The following PCNX2 variants were observed in gnomAD, a reference collection of about 807,000 sequenced individuals.
PCNX2 encodes the protein pecanex-like protein 2.
Under a neutral mutation model 223.8 loss-of-function variants are expected in PCNX2, and 168 were observed. The ratio of observed to expected loss-of-function variants is 0.75; its 90% CI spans 0.66 to 0.85. The LOEUF is 0.85. Among genes scored for constraint, PCNX2 ranks in the 40% least tolerant of loss-of-function variants. PCNX2 has a pLI of 0.00. For missense variants in PCNX2, 2,507 were observed against 2,675.5 expected (o/e 0.94, Z 1.39); for synonymous variants, 1,006 against 1,052.6 (o/e 0.96, Z 0.86).
chr1:233,064,213 G>C (rs1438223342), intron 23 of PCNX2, among the ~76,000 whole-genome samples: 1 of 152,106 alleles, frequency 6.6e-6, no homozygotes. Flanking sequence ...TTGAAGATAT[G>C]TCATGTCCTT....
intron 25 of PCNX2, among the ~76,000 whole-genome samples, chr1:233,045,371 C>A (rs924472392): frequency 6.6e-6 from 1 of 152,212 alleles, no homozygotes; most frequent in Non-Finnish European, 1.5e-5. Context: ...CTAGGAAATA[C>A]GTGGAGCTTC....
rs760282445 is a variant in PCNX2, at chr1:233,201,025, C to CAA, written c.2864-763_2864-762dup. Reference sequence around the variant, plus strand: ...TGGGCGACAGAGCAAGACTCCGTCTCAAAAAAAAAAAAAAAAAAAAAAAGT... The same window carrying CAA: ...TGGGCGACAGAGCAAGACTCCGTCTCAAAAAAAAAAAAAAAAAAAAAAAAAGT... On this transcript the variant is annotated intron_variant, in intron 13 of 33. Transcript: ENST00000258229. 1.9e-3 allele frequency among the ~76,000 whole-genome samples: 50 copies of CAA among 25,652 alleles called. 3 individuals carry two copies. Among genetic ancestry groups the CAA allele is most frequent in the African/African-American group, 5.0e-3 (30 of 5,972 alleles). 16.8% of individuals were successfully genotyped at this position (25,652 alleles called of 152,430 possible).
At chr1:233,179,527 A>C (rs1386729140) in intron 15 of PCNX2, among the ~76,000 whole-genome samples, 1 of 152,340 alleles carries the variant, frequency 6.6e-6, no homozygotes, top group Non-Finnish European at 1.5e-5. Flanking sequence ...TGTATTTCTC[A>C]ATGTTTATTA....
intron 21 of PCNX2, among the ~76,000 whole-genome samples, chr1:233,120,164 C>CAAAAAAAAAAAAAAAAAAA (rs1228898502): frequency 9.4e-5 from 4 of 42,642 alleles, no homozygotes; most frequent in Admixed American, 2.6e-4. Context: ...GACTCCATTT[C>CAAAAAAAAAAAAAAAAAAA]AAAAAAAAAA....
intron 25 of PCNX2, among the ~76,000 whole-genome samples, chr1:233,048,219 G>A (rs1359314411): frequency 1.3e-5 from 2 of 152,220 alleles, no homozygotes; most frequent in Non-Finnish European, 2.9e-5. Flanking sequence ...CACTTTGGGA[G>A]GCCAAGGCAG....
At chr1:233,285,898 G>A (rs1409226590) in intron 1 of PCNX2, among the ~76,000 whole-genome samples, 1 of 152,200 alleles carries the variant, frequency 6.6e-6, no homozygotes, top group African/African-American at 2.4e-5. Context: ...GAATAATGAG[G>A]AGGCTCTTTG....
the PCNX2 span, among the ~76,000 whole-genome samples, chr1:233,320,594 C>T: frequency 6.6e-6 from 1 of 152,132 alleles, no homozygotes; most frequent in Non-Finnish European, 1.5e-5. Context: ...CATGGATATT[C>T]TTTGATACCA....
At chr1:233,203,275 T>A (rs1681239562) in intron 13 of PCNX2, among the ~76,000 whole-genome samples, 1 of 152,190 alleles carries the variant, frequency 6.6e-6, no homozygotes, top group Non-Finnish European at 1.5e-5. Context: ...TTTGGCTTTC[T>A]CACCCACAGG....
At chr1:232,992,615 T>TTGTGG (rs1364576124) in intron 32 of PCNX2, among the ~76,000 whole-genome samples, 1 of 152,188 alleles carries the variant, frequency 6.6e-6, no homozygotes, top group East Asian at 1.9e-4. Context: ...TGGGGCCAGC[T>TTGTGG]CACCTGGGAA....
At chr1:233,084,090 A>T (rs1673484069) in intron 23 of PCNX2, among the ~76,000 whole-genome samples, 1 of 152,210 alleles carries the variant, frequency 6.6e-6, no homozygotes, top group East Asian at 1.9e-4. Flanking sequence ...GGTGCGTATG[A>T]CTTCTGAGGA....
At chr1:233,055,022 G>A (rs766290798) in intron 24 of PCNX2, among the ~76,000 whole-genome samples, 1 of 152,166 alleles carries the variant, frequency 6.6e-6, no homozygotes, top group South Asian at 2.1e-4. Context: ...CCTTTGAGTA[G>A]TATCCCTCTG....
intron 21 of PCNX2, chr1:233,112,722 C>CATT: frequency 2.9e-6 from 2 of 687,620 alleles, no homozygotes; most frequent in South Asian, 3.6e-5. Context: ...AACAATATAA[C>CATT]TAAATTCACA....
At chr1:233,257,636 T>C (rs1399318084) in intron 5 of PCNX2, among the ~76,000 whole-genome samples, 4 of 152,218 alleles carry the variant, frequency 2.6e-5, no homozygotes, top group Admixed American at 2.6e-4. Flanking sequence ...GCAGGAAAAG[T>C]AGATTCACTT....
At chr1:233,216,744 A>T (rs981894738) in intron 12 of PCNX2, among the ~76,000 whole-genome samples, 18 of 152,200 alleles carry the variant, frequency 1.2e-4, no homozygotes, top group Admixed American at 1.2e-3. Flanking sequence ...TGTCCAAAAG[A>T]TATACGCATC....
At chr1:233,184,752 A>G (rs527762218) in intron 15 of PCNX2, among the ~76,000 whole-genome samples, 1 of 152,134 alleles carries the variant, frequency 6.6e-6, no homozygotes, top group South Asian at 2.1e-4. Flanking sequence ...GTAAATGGCA[A>G]TGTGGCCACA....
rs181524413 is a variant in PCNX2, at chr1:233,232,758, T to C, written c.2358+4087A>G. The C allele has an allele frequency of 5.2e-4, 492 of 954,552 alleles. 3 individuals carry two copies. The African/African-American group carries it at 8.3e-3, about 16-fold the overall frequency. The allele number at this position is 954,552 out of a possible 1,614,324, so 59.1% of individuals were successfully genotyped here. A position where few individuals can be genotyped will look rare whatever the true frequency, so the allele number is the denominator to read the frequency against. On this transcript the variant is annotated intron_variant, in intron 9 of 33. Transcript: ENST00000258229. ...GTGATGTAAATGCTACCTTTATATC[T>C]ACCTAGAATAACAGTCAGCCAGGCC...
chr1:233,133,013 C>T (rs931497862), intron 21 of PCNX2, among the ~76,000 whole-genome samples: 1 of 151,684 alleles, frequency 6.6e-6, no homozygotes. Context: ...ATTCCCCTGC[C>T]TCAGCCTCCT....
chr1:233,262,534 A>G (rs1660110161), intron 2 of PCNX2, among the ~76,000 whole-genome samples: 2 of 152,226 alleles, frequency 1.3e-5, no homozygotes. Flanking sequence ...TAATACAAGA[A>G]TGGTGAAAAG....
chr1:233,057,931 G>A, intron 23 of PCNX2: 1 of 985,376 alleles, frequency 1.0e-6, no homozygotes, highest in Non-Finnish European at 1.2e-6. Context: ...GTCCACAAAG[G>A]TATCTTTCTC....
Sources: allele counts gnomAD v4.1 joint callset (sites outside exome capture counted in the v4.1 genomes callset), GRCh38; gene constraint gnomAD v4.1.1; transcripts MANE v1.5; gene names NCBI Gene and HGNC (gene_info 2026-07-23, HGNC 2026-07-21).